The following ADGRA2 variants were observed in gnomAD, a reference collection of about 807,000 sequenced individuals.
ADGRA2 encodes the protein G-protein coupled receptor 124.
In ADGRA2, 61 loss-of-function variants were observed where a neutral mutation model predicts 98.7. The observed-to-expected ratio is 0.62, with a 90% CI of 0.50 to 0.76. ADGRA2 has a LOEUF of 0.76. Among genes scored for constraint, ADGRA2 ranks in the 30% least tolerant of loss-of-function variants. The probability of loss-of-function intolerance (pLI) is 0.00; values close to 1 mark genes in which losing one functional copy is unlikely to be tolerated. For synonymous variants in ADGRA2, 858 were observed against 831.5 expected, an observed-to-expected ratio of 1.03 and a Z score of -0.55; for missense variants, 1,712 against 1,860.0, an observed-to-expected ratio of 0.92 and a Z score of 1.46.
At position 37,841,876 on chromosome 8, in the gene ADGRA2, C is replaced by A. The variant is rs145526357; in HGVS notation, c.3538C>A (p.Arg1180Ser). The change falls in exon 19 of 19, where the codon CGT becomes AGT. Residue 1180 changes from arginine (R) to serine (S), a missense_variant. Coordinates refer to ENST00000412232, the MANE Select transcript of ADGRA2 (RefSeq NM_032777.10). This position sits in a 1 kb window ranked among gnomAD's most constrained non-coding sequence, Gnocchi z 5.0. ...HRHPNNVHHG[R>S]RAHKSRAKGH... is the part of the protein sequence containing the mutation. ...CCACCCCAACAACGTGCACCACGGGCGTCGGGCGCACAAGAGCCGGGCCAA... is the reference window on the plus strand; with the variant it reads ...CCACCCCAACAACGTGCACCACGGGAGTCGGGCGCACAAGAGCCGGGCCAA... 1.3e-6 allele frequency: 2 copies of A among 1,534,666 alleles called. No homozygotes were observed. Among genetic ancestry groups the A allele is most frequent in the Non-Finnish European group, 1.7e-6 (2 of 1,146,932 alleles).
At chr8:37,839,729 G>A (rs1377922635) in intron 16 of ADGRA2, 107 bp downstream of exon 16, 53 of 1,387,814 alleles carry the variant, frequency 3.8e-5, no homozygotes, top group Middle Eastern at 1.9e-4. Context: ...CTCATAGGCC[G>A]TGGCTCCATG....
Position 37,797,556 on chromosome 8 carries a change from T to A in ADGRA2, c.266+22T>A. 1 of 1,356,760 alleles carries A rather than the reference T, an allele frequency of 7.4e-7. No individual in the cohort carries two copies. The highest frequency in any genetic ancestry group is 9.5e-7 in the Non-Finnish European group (1 of 1,047,450). 84.0% of individuals were successfully genotyped at this position (1,356,760 alleles called of 1,614,324 possible). On this transcript the variant is annotated intron_variant, in intron 1 of 18. Transcript: ENST00000412232. The surrounding 1 kb of genome is among the most constrained non-coding windows in gnomAD (Gnocchi z 5.3). ...CCCTGTGAGTACCCTACCAGGCCAG[T>A]TCCGTCCGAGCCGGGACTGGGGACG...
In ADGRA2 at chr8:37,836,692, C is replaced by T. The variant is rs59396710; in HGVS notation, c.2050+922C>T. On this transcript the variant is annotated intron_variant, in intron 13 of 18. Coordinates refer to ENST00000412232, the MANE Select transcript of ADGRA2 (RefSeq NM_032777.10). Reference sequence around the variant, plus strand: ...TCCCTCATGCCGTCACCAGATTCACCTTCTGCAAACTGCACTTTGCACGTC... The same window carrying T: ...TCCCTCATGCCGTCACCAGATTCACTTTCTGCAAACTGCACTTTGCACGTC... 5.5e-3 allele frequency among the ~76,000 whole-genome samples: 842 copies of T among 152,356 alleles called. 5 individuals carry two copies. The highest frequency in any genetic ancestry group is 0.019 in the African/African-American group (771 of 41,588).
intron 1 of ADGRA2, among the ~76,000 whole-genome samples, chr8:37,804,760 G>A (rs1804612137): frequency 6.6e-6 from 1 of 152,192 alleles, no homozygotes; most frequent in African/African-American, 2.4e-5. Flanking sequence ...AGCCATCCCT[G>A]GAGATGGGAC....
In ADGRA2 at chr8:37,844,636, C is replaced by T. The variant is rs1281734627; in HGVS notation, c.*2281C>T. 2 of 1,614,084 alleles carry T rather than the reference C, an allele frequency of 1.2e-6. No homozygotes were observed. The highest frequency in any genetic ancestry group is 1.1e-5 in the South Asian group (1 of 91,078). Reference sequence around the variant, plus strand: ...CCAGTGACAGTGGAGACAGGGGGTACAGGGCAGATCCGCTTCGGGGACTTC... The same window carrying T: ...CCAGTGACAGTGGAGACAGGGGGTATAGGGCAGATCCGCTTCGGGGACTTC... On this transcript the variant is annotated 3_prime_UTR_variant, in exon 19 of 19. Transcript: ENST00000412232.
intron 2 of ADGRA2, among the ~76,000 whole-genome samples, chr8:37,826,742 C>T (rs1805295168): frequency 6.6e-6 from 1 of 152,186 alleles, no homozygotes; most frequent in African/African-American, 2.4e-5. Context: ...AGCGGGCAGC[C>T]GGCTTGGTTA....
At position 37,797,670 on chromosome 8, in the gene ADGRA2, C is replaced by G; in HGVS notation, c.266+136C>G. On this transcript the variant is annotated intron_variant, in intron 1 of 18. Coordinates refer to ENST00000412232, the MANE Select transcript of ADGRA2 (RefSeq NM_032777.10). The surrounding 1 kb of genome is among the most constrained non-coding windows in gnomAD (Gnocchi z 5.3). ...TTCTGGACAGGCCTGGGTTCAGGCCCCCAGAGGGGAAGATTGGAGGAGCAG... is the reference window on the plus strand; with the variant it reads ...TTCTGGACAGGCCTGGGTTCAGGCCGCCAGAGGGGAAGATTGGAGGAGCAG... 1 of 862,812 alleles carries G rather than the reference C, an allele frequency of 1.2e-6. No individual in the cohort carries two copies. The highest frequency in any genetic ancestry group is 1.6e-6 in the Non-Finnish European group (1 of 639,448). The allele number at this position is 862,812 out of a possible 1,614,324, so 53.4% of individuals were successfully genotyped here.
At chr8:37,827,023 G>A (rs1012651910) in intron 2 of ADGRA2, among the ~76,000 whole-genome samples, 1 of 152,144 alleles carries the variant, frequency 6.6e-6, no homozygotes, top group Non-Finnish European at 1.5e-5. Context: ...ACCCTTGCCT[G>A]CTCCAGGGGT....
At chr8:37,816,005 C>T (rs778421991) in intron 2 of ADGRA2, among the ~76,000 whole-genome samples, 12 of 152,188 alleles carry the variant, frequency 7.9e-5, no homozygotes, top group Non-Finnish European at 1.2e-4. Context: ...GCCCCTCTAG[C>T]GCCATTTTGC....
At position 37,844,549 on chromosome 8, in the gene ADGRA2, C is replaced by T; in HGVS notation, c.*2194C>T. 1 of 1,613,936 alleles carries T rather than the reference C, an allele frequency of 6.2e-7. No individual in the cohort carries two copies. Among genetic ancestry groups the T allele is most frequent in the Non-Finnish European group, 8.5e-7 (1 of 1,180,000 alleles). ...CTAGCAGCCTGGGCTCTCTGAAAGT[C>T]CCTAACTTCCTGAGGGGTACGCAAA... is the stretch of plus-strand genomic sequence containing the variant. On this transcript the variant is annotated 3_prime_UTR_variant, in exon 19 of 19. Coordinates refer to ENST00000412232, the MANE Select transcript of ADGRA2 (RefSeq NM_032777.10).
intron 13 of ADGRA2, among the ~76,000 whole-genome samples, chr8:37,836,329 C>G (rs1217546646): frequency 6.6e-6 from 1 of 152,184 alleles, no homozygotes; most frequent in Admixed American, 6.5e-5. Context: ...ATGGCTCCAG[C>G]TGTCATGGCG....
chr8:37,822,162 A>C (rs370220176), intron 2 of ADGRA2, among the ~76,000 whole-genome samples: 1 of 151,818 alleles, frequency 6.6e-6, no homozygotes, highest in South Asian at 2.1e-4. Flanking sequence ...TGGGACTAGA[A>C]CCTCTCCCTT....
rs573488138 is a variant in ADGRA2, at chr8:37,796,990, A to T, written c.-279A>T. ...GGCGACGCGGAGGGGCCGGGCCTCCAGTGTCCCGAGGGCCGGGCGCTGAGA... is the reference window on the plus strand; with the variant it reads ...GGCGACGCGGAGGGGCCGGGCCTCCTGTGTCCCGAGGGCCGGGCGCTGAGA... On this transcript the variant is annotated 5_prime_UTR_variant, in exon 1 of 19. Coordinates refer to ENST00000412232, the MANE Select transcript of ADGRA2 (RefSeq NM_032777.10). 23 of 164,994 alleles carry T rather than the reference A, an allele frequency of 1.4e-4. No homozygotes were observed. The Admixed American group carries it at 1.5e-3, about 11-fold the overall frequency. The allele number at this position is 164,994 out of a possible 1,614,324, so 10.2% of individuals were successfully genotyped here. A position where few individuals can be genotyped will look rare whatever the true frequency, so the allele number is the denominator to read the frequency against.
chr8:37,835,906 T>C, intron 13 of ADGRA2, 136 bp downstream of exon 13: 2 of 636,392 alleles, frequency 3.1e-6, no homozygotes, highest in East Asian at 2.7e-5. Context: ...GTCTCTCACC[T>C]TTTCCCAACA....
At chr8:37,806,011 C>G (rs1804648239) in intron 1 of ADGRA2, among the ~76,000 whole-genome samples, 4 of 152,080 alleles carry the variant, frequency 2.6e-5, no homozygotes, top group East Asian at 1.9e-4. Flanking sequence ...CCACCTACCC[C>G]TCAAAGAGGT....
At position 37,841,786 on chromosome 8, in the gene ADGRA2, G is replaced by C. The variant is rs1200510742; in HGVS notation, c.3448G>C (p.Gly1150Arg). The C allele has an allele frequency of 1.3e-6, 2 of 1,533,734 alleles. No homozygotes were observed. Among genetic ancestry groups the C allele is most frequent in the African/African-American group, 2.8e-5 (2 of 72,078 alleles). The change falls in exon 19 of 19, where the codon GGG becomes CGG. Residue 1150 changes from glycine to arginine, a missense_variant. Gly to Arg is a moderately radical substitution (Grantham distance 125, BLOSUM62 -2). Transcript: ENST00000412232. The surrounding 1 kb of genome is among the most constrained non-coding windows in gnomAD (Gnocchi z 5.0). ...QLAQSQVCEA[G>R]AAAGGEGEPE... The stretch of plus-strand genomic sequence containing the variant: ...GGCCCAGAGTCAGGTGTGCGAGGCG[G>C]GGGCGGCGGCCGGCGGGGAAGGAGA...
intron 2 of ADGRA2, among the ~76,000 whole-genome samples, chr8:37,817,152 C>T (rs2129958113): frequency 6.6e-6 from 1 of 152,256 alleles, no homozygotes; most frequent in Non-Finnish European, 1.5e-5. Flanking sequence ...AAGCCTCTGG[C>T]CCCAAGCCCC....
Position 37,830,717 on chromosome 8 carries a change from C to T in ADGRA2, c.726C>T (p.Ala242=), listed in dbSNP as rs745451327. The T allele has an allele frequency of 6.2e-7, 1 of 1,600,056 alleles. No homozygotes were observed. The highest frequency in any genetic ancestry group is 1.3e-5 in the African/African-American group (1 of 74,656). ...TGGTGTCTCCTCCCACAGAGGGGGC[C>T]CTGGAGCTGCACACACACCACCTCA... ...LQEAQLCCEG[A]LELHTHHLIP... Residue 242 remains alanine (A), a synonymous_variant, in exon 7 of 19, where the codon GCC becomes GCT. Transcript: ENST00000412232. The surrounding 1 kb of genome is among the most constrained non-coding windows in gnomAD (Gnocchi z 4.8).
rs754890626 is a variant in ADGRA2, at chr8:37,830,670, G to T, written c.719-40G>T. 7.5e-6 allele frequency: 8 copies of T among 1,065,742 alleles called. No homozygotes were observed. The highest frequency in any genetic ancestry group is 9.0e-6 in the Non-Finnish European group (7 of 776,438). The allele number at this position is 1,065,742 out of a possible 1,614,324, so 66.0% of individuals were successfully genotyped here. On this transcript the variant is annotated intron_variant, in intron 6 of 18. Coordinates refer to ENST00000412232, the MANE Select transcript of ADGRA2 (RefSeq NM_032777.10). The surrounding 1 kb of genome is among the most constrained non-coding windows in gnomAD (Gnocchi z 4.8). ...CGCTCACACGTGCAGCCTCACATGC[G>T]TGTGCACTCGGGCCTCACGCCTGGT... is the stretch of plus-strand genomic sequence containing the variant.
Sources: gnomAD v4.1 joint callset for allele counts (sites outside exome capture counted in the v4.1 genomes callset) on GRCh38, gnomAD v4.1.1 for gene constraint, Gnocchi (gnomAD v3.1) non-coding constraint, MANE v1.5 for transcripts, NCBI Gene and HGNC (gene_info 2026-07-23, HGNC 2026-07-21) for gene names.